CBR4: variants seen among roughly 807,000 people sequenced by gnomAD.
CBR4 encodes the protein 3-oxoacyl-[acyl-carrier-protein] reductase.
CBR4 carries 22 observed loss-of-function variants against 21.0 expected under a neutral mutation model. The observed-to-expected ratio is 1.05, with a 90% CI of 0.75 to 1.50. CBR4 has a LOEUF of 1.50. Among genes scored for constraint, CBR4 ranks in the 40% most tolerant of loss-of-function variants. The pLI is 0.00. For synonymous variants in CBR4, 100 were observed against 104.4 expected (o/e 0.96, Z 0.26); for missense variants, 302 against 286.3 (o/e 1.05, Z -0.40).
At chr4:168,984,493 ACAGAT>A (rs373262666), downstream of CBR4, among the ~76,000 whole-genome samples, 81,448 of 151,850 alleles carry the variant, frequency 0.54, 25,021 homozygotes, top group East Asian at 0.87. Flanking sequence ...AAAGCAATTT[ACAGAT>A]TCAATGCTAT....
rs116784602 is a variant in CBR4, at chr4:168,979,500, G to A, written n.169+22571C>T. ...CCAGCCCCCGCCTGATCAGTCAGTG[G>A]CAGCTCTGTGTTTGCCTGGTGGGGA... On this transcript the variant is annotated intron_variant and non_coding_transcript_variant, in intron 2 of 3. Transcript: ENST00000509108. Among the ~76,000 whole-genome samples, 1,340 of 152,210 alleles carry A rather than the reference G, an allele frequency of 8.8e-3. 15 individuals are homozygous for A. The highest frequency in any genetic ancestry group is 0.03 in the African/African-American group (1,259 of 41,538).
At chr4:168,975,511 A>G (rs1383740924) in intron 2 of CBR4, among the ~76,000 whole-genome samples, 1 of 152,120 alleles carries the variant, frequency 6.6e-6, no homozygotes, top group Non-Finnish European at 1.5e-5. Context: ...TAGTGGCTTG[A>G]GTTCATTGGC....
Position 168,918,325 on chromosome 4 carries a change from G to GATATATATATAT in CBR4, n.170-23572_170-23561dup, listed in dbSNP as rs71588177. 4.3e-4 allele frequency among the ~76,000 whole-genome samples: 64 copies of GATATATATATAT among 149,558 alleles called. No individual in the cohort carries two copies. The East Asian group carries it at 0.011, about 26-fold the overall frequency. ...AGATGAATGAATAAAGAAAATATGAGATATATATATATATACATACATACA... is the reference window on the plus strand; with the variant it reads ...AGATGAATGAATAAAGAAAATATGAGATATATATATATATATATATATATATACATACATACA... On this transcript the variant is annotated intron_variant and non_coding_transcript_variant, in intron 2 of 3. Transcript: ENST00000509108.
intron 2 of CBR4, chr4:168,898,350 C>G: frequency 5.8e-6 from 4 of 686,338 alleles, no homozygotes; most frequent in Non-Finnish European, 8.0e-6. Context: ...GTTTCATATG[C>G]AATTGAATTG....
At chr4:168,958,409 A>G (rs183904782) in intron 2 of CBR4, among the ~76,000 whole-genome samples, 178 of 152,296 alleles carry the variant, frequency 1.2e-3, no homozygotes, top group African/African-American at 3.8e-3. Context: ...GTTGTTTTGT[A>G]TTCCTAAGTA....
At chr4:168,946,998 C>T (rs1264002457) in intron 2 of CBR4, among the ~76,000 whole-genome samples, 1 of 152,206 alleles carries the variant, frequency 6.6e-6, no homozygotes, top group East Asian at 1.9e-4. Flanking sequence ...AAATATATAC[C>T]TTAGCAATTT....
chr4:168,937,270 T>C (rs1763139106), intron 2 of CBR4, among the ~76,000 whole-genome samples: 1 of 152,144 alleles, frequency 6.6e-6, no homozygotes, highest in Non-Finnish European at 1.5e-5. Context: ...CTAAGAGATT[T>C]TGTCATCACC....
rs1266725742 is a variant in CBR4, at chr4:169,010,019, C to T, written c.71G>A (p.Arg24Gln). The T allele has an allele frequency of 6.2e-7, 1 of 1,613,856 alleles. No homozygotes were observed. The highest frequency in any genetic ancestry group is 2.2e-5 in the East Asian group (1 of 44,852). Reference protein sequence around the residue: ...IGRAVAQLMARKGYRLAVIAR... With the variant: ...IGRAVAQLMAQKGYRLAVIAR... ...AATGACCGCCAGTCGGTAGCCTTTCCGGGCCATTAACTGGGCCACAGCTCT... is the reference window on the plus strand; with the variant it reads ...AATGACCGCCAGTCGGTAGCCTTTCTGGGCCATTAACTGGGCCACAGCTCT... The change falls in exon 1 of 5, where the codon CGG becomes CAG. Residue 24 changes from arginine (R) to glutamine (Q), a missense_variant. Arg to Gln is a conservative substitution (Grantham distance 43). Coordinates refer to ENST00000306193, the MANE Select transcript of CBR4 (RefSeq NM_032783.5).
At chr4:168,971,504 G>A (rs1175832122) in intron 2 of CBR4, among the ~76,000 whole-genome samples, 1 of 141,124 alleles carries the variant, frequency 7.1e-6, no homozygotes, top group Non-Finnish European at 1.5e-5. Context: ...CCCTGGTCTC[G>A]AACTCCTGAC....
intron 2 of CBR4, among the ~76,000 whole-genome samples, chr4:168,963,176 C>T (rs1163313116): frequency 1.3e-5 from 2 of 152,140 alleles, no homozygotes; most frequent in African/African-American, 4.8e-5. Context: ...ATGGTCAAGC[C>T]CTGACTTAAA....
At chr4:168,955,171 T>C (rs902752550) in intron 2 of CBR4, among the ~76,000 whole-genome samples, 17 of 152,332 alleles carry the variant, frequency 1.1e-4, no homozygotes, top group African/African-American at 3.6e-4. Context: ...GGATGGGAAG[T>C]ATGCTTGCAT....
At chr4:168,978,977 C>T (rs914296129) in intron 2 of CBR4, among the ~76,000 whole-genome samples, 14 of 151,682 alleles carry the variant, frequency 9.2e-5, no homozygotes, top group African/African-American at 3.4e-4. Flanking sequence ...TTTGCTGCTG[C>T]ACAGCCCCCA....
chr4:169,007,175 T>C lies in CBR4; in HGVS notation c.264-284A>G, dbSNP rs183287758. Among the ~76,000 whole-genome samples the C allele has an allele frequency of 2.3e-4, 35 of 152,332 alleles. 1 individual carries two copies. The East Asian group carries it at 6.2e-3, about 27-fold the overall frequency. ...GTAGTAACATATAGCCAAAATAGTT[T>C]GAATGGCCTGAGCAACTGCCATACT... is the stretch of plus-strand genomic sequence containing the variant. On this transcript the variant is annotated intron_variant, in intron 2 of 4. Coordinates refer to ENST00000306193, the MANE Select transcript of CBR4 (RefSeq NM_032783.5).
chr4:168,996,956 T>C (rs982143320), intron 4 of CBR4, among the ~76,000 whole-genome samples: 2 of 152,114 alleles, frequency 1.3e-5, no homozygotes, highest in Non-Finnish European at 2.9e-5. Flanking sequence ...AAGAGAGAGA[T>C]TAATAGTCCT....
intron 2 of CBR4, among the ~76,000 whole-genome samples, chr4:168,934,322 T>A (rs1763051904): frequency 3.7e-5 from 3 of 81,712 alleles, no homozygotes; most frequent in Non-Finnish European, 5.4e-5. Flanking sequence ...AAACCCAAAA[T>A]TAGCAGAAGG....
chr4:168,923,821 C>G (rs1391221990), intron 2 of CBR4, among the ~76,000 whole-genome samples: 1 of 152,160 alleles, frequency 6.6e-6, no homozygotes, highest in Non-Finnish European at 1.5e-5. Context: ...GCAAACATGG[C>G]AAACGGCAGT....
intron 2 of CBR4, among the ~76,000 whole-genome samples, chr4:168,974,673 C>T (rs1232396675): frequency 1.3e-5 from 2 of 151,924 alleles, no homozygotes; most frequent in African/African-American, 2.4e-5. Context: ...CTTATGTTTT[C>T]TTCTATTTGT....
intron 4 of CBR4, among the ~76,000 whole-genome samples, chr4:168,993,185 T>G (rs1421456500): frequency 6.6e-6 from 1 of 152,042 alleles, no homozygotes; most frequent in Non-Finnish European, 1.5e-5. Context: ...TGTCCAAAGT[T>G]TTCTGTCTTT....
At chr4:168,917,938 C>T (rs187094209) in intron 2 of CBR4, among the ~76,000 whole-genome samples, 3 of 152,208 alleles carry the variant, frequency 2.0e-5, no homozygotes, top group East Asian at 3.9e-4. Flanking sequence ...CAGTGGCACA[C>T]GCCTGTAATC....
Sources: allele counts gnomAD v4.1 joint callset (sites outside exome capture counted in the v4.1 genomes callset), GRCh38; gene constraint gnomAD v4.1.1; transcripts MANE v1.5; gene names NCBI Gene and HGNC (gene_info 2026-07-23, HGNC 2026-07-21).